The following RALYL variants were observed in gnomAD, a reference collection of about 807,000 sequenced individuals.
RALYL encodes RALY RNA binding protein like.
RALYL carries 29 observed loss-of-function variants against 35.1 expected under a neutral mutation model. The ratio of observed to expected loss-of-function variants is 0.83; its 90% confidence interval spans 0.61 to 1.13. RALYL has a LOEUF of 1.13. Among genes scored for constraint, RALYL ranks in the 50% most tolerant of loss-of-function variants. The pLI is 0.00. For synonymous variants in RALYL, 120 were observed against 127.6 expected (o/e 0.94, Z 0.40); for missense variants, 359 against 360.4 (o/e 1.00, Z 0.03).
At chr8:84,423,787 T>A (rs4314654) in intron 1 of RALYL, among the ~76,000 whole-genome samples, 4,113 of 151,656 alleles carry the variant, frequency 0.027, 184 homozygotes, top group African/African-American at 0.095. Context: ...TGTAAAGTAT[T>A]TTATTTCTCC....
intron 2 of RALYL, among the ~76,000 whole-genome samples, chr8:84,531,025 A>G (rs1038267949): frequency 6.6e-6 from 1 of 152,144 alleles, no homozygotes; most frequent in Admixed American, 6.6e-5. Context: ...TGACCAGCCT[A>G]TCTAAAATAG....
At chr8:84,607,673 G>A (rs1290957967) in intron 2 of RALYL, among the ~76,000 whole-genome samples, 1 of 152,058 alleles carries the variant, frequency 6.6e-6, no homozygotes, top group East Asian at 1.9e-4. Context: ...CTGAGCATTA[G>A]AGAGCTCTGC....
intron 1 of RALYL, among the ~76,000 whole-genome samples, chr8:84,359,880 GT>G (rs75306640): frequency 0.014 from 1,950 of 143,452 alleles, 45 homozygotes; most frequent in African/African-American, 0.045. Flanking sequence ...AAAATATCAT[GT>G]TTTTTTTTTT....
chr8:84,841,817 CT>C (rs1833441001), intron 4 of RALYL, among the ~76,000 whole-genome samples: 1 of 152,218 alleles, frequency 6.6e-6, no homozygotes, highest in South Asian at 2.1e-4. Context: ...AAGAAACTCA[CT>C]CAAAACCACT....
intron 1 of RALYL, among the ~76,000 whole-genome samples, chr8:84,281,540 C>T (rs1441304481): frequency 6.6e-6 from 1 of 152,130 alleles, no homozygotes; most frequent in Non-Finnish European, 1.5e-5. Context: ...GACTCTTGCC[C>T]TACCCTCCTT....
chr8:84,310,883 T>C (rs1330555931), intron 1 of RALYL, among the ~76,000 whole-genome samples: 3 of 143,240 alleles, frequency 2.1e-5, no homozygotes, highest in Admixed American at 6.8e-5. Context: ...CCGTCTCTAC[T>C]AAAAATACAA....
chr8:84,576,355 T>G (rs1028410732), intron 2 of RALYL, among the ~76,000 whole-genome samples: 3 of 152,230 alleles, frequency 2.0e-5, no homozygotes, highest in Admixed American at 6.5e-5. Context: ...GTTTTACAGT[T>G]AAATATTTAT....
At chr8:84,903,675 C>A (rs1034986047) in intron 8 of RALYL, among the ~76,000 whole-genome samples, 1 of 152,074 alleles carries the variant, frequency 6.6e-6, no homozygotes, top group Non-Finnish European at 1.5e-5. Flanking sequence ...GCCCAGAATG[C>A]CTATTTTTGT....
intron 2 of RALYL, among the ~76,000 whole-genome samples, chr8:84,681,928 G>A (rs1337043141): frequency 6.6e-6 from 1 of 152,178 alleles, no homozygotes; most frequent in Non-Finnish European, 1.5e-5. Flanking sequence ...AGTTTTCAAA[G>A]GGAATGCTTA....
At chr8:84,816,231 A>C (rs1261947384) in intron 4 of RALYL, among the ~76,000 whole-genome samples, 1 of 152,094 alleles carries the variant, frequency 6.6e-6, no homozygotes, top group Non-Finnish European at 1.5e-5. Flanking sequence ...TTAAGGTTAC[A>C]TGTCAAAAAA....
At chr8:84,825,885 A>G (rs1829568365) in intron 4 of RALYL, among the ~76,000 whole-genome samples, 1 of 152,140 alleles carries the variant, frequency 6.6e-6, no homozygotes, top group Admixed American at 6.5e-5. Context: ...AAATATAGCA[A>G]AGACATAGCA....
At chr8:84,504,040 C>T (rs766135934) in intron 1 of RALYL, among the ~76,000 whole-genome samples, 172 of 151,894 alleles carry the variant, frequency 1.1e-3, no homozygotes, top group Non-Finnish European at 2.4e-3. Context: ...ATATAAATTC[C>T]TTGCAGATGA....
intron 2 of RALYL, among the ~76,000 whole-genome samples, chr8:84,744,775 T>C (rs1589309443): frequency 6.6e-6 from 1 of 151,962 alleles, no homozygotes; most frequent in Non-Finnish European, 1.5e-5. Flanking sequence ...AGAATAGATC[T>C]AGTACCGGTA....
intron 1 of RALYL, among the ~76,000 whole-genome samples, chr8:84,264,874 A>G (rs1832993877): frequency 2.0e-5 from 3 of 152,222 alleles, no homozygotes; most frequent in Admixed American, 6.5e-5. Flanking sequence ...ATTGATTTAC[A>G]TGATGTAGGA....
rs559880262 is a variant in RALYL at position 84,258,024 on chromosome 8, T to C, written c.-24+73600T>C. ...CTGAATTTAGAGTTCTTGTTGGGTATCTACACGAAAATTCTAGAAGATATC... is the reference window on the plus strand; with the variant it reads ...CTGAATTTAGAGTTCTTGTTGGGTACCTACACGAAAATTCTAGAAGATATC... On this transcript the variant is annotated intron_variant, in intron 1 of 8. Transcript: ENST00000521268. Among the ~76,000 whole-genome samples the C allele has an allele frequency of 1.2e-4, 18 of 152,260 alleles. No homozygotes were observed. The East Asian group carries it at 3.3e-3, about 28-fold the overall frequency.
chr8:84,343,629 T>C (rs181532063), intron 1 of RALYL, among the ~76,000 whole-genome samples: 28 of 152,046 alleles, frequency 1.8e-4, no homozygotes, highest in African/African-American at 6.3e-4. Context: ...TTTATTTATT[T>C]ATTTTATTTC....
At chr8:84,724,646 C>A (rs1298935729) in intron 2 of RALYL, among the ~76,000 whole-genome samples, 1 of 151,666 alleles carries the variant, frequency 6.6e-6, no homozygotes, top group Non-Finnish European at 1.5e-5. Flanking sequence ...CATTTTAAAA[C>A]CAAGACCAGA....
At chr8:84,519,526 AAAG>A (rs1408352866) in intron 1 of RALYL, among the ~76,000 whole-genome samples, 1 of 152,218 alleles carries the variant, frequency 6.6e-6, no homozygotes, top group Non-Finnish European at 1.5e-5. Flanking sequence ...AGAGGAAACA[AAAG>A]AAGTGAAACC....
chr8:84,852,280 C>CA (rs963411594), intron 5 of RALYL, among the ~76,000 whole-genome samples: 27 of 151,888 alleles, frequency 1.8e-4, no homozygotes, highest in Non-Finnish European at 2.4e-4. Context: ...CCTTTTCTGA[C>CA]AAAAAAATAT....
Sources: allele counts gnomAD v4.1 joint callset (sites outside exome capture counted in the v4.1 genomes callset), GRCh38; gene constraint gnomAD v4.1.1; transcripts MANE v1.5; gene names NCBI Gene and HGNC (gene_info 2026-07-23, HGNC 2026-07-21).